The following VWC2L variants were observed in gnomAD, a reference collection of about 807,000 sequenced individuals.
VWC2L encodes von Willebrand factor C domain-containing protein 2-like.
VWC2L carries 10 observed loss-of-function variants against 21.6 expected under a neutral mutation model. The ratio of observed to expected loss-of-function variants is 0.46; its 90% confidence interval spans 0.29 to 0.78. VWC2L has a LOEUF of 0.78. VWC2L is among the 30% of genes least tolerant of loss of function. The pLI, the probability that VWC2L is intolerant of heterozygous loss-of-function variation, is 0.10. For synonymous variants in VWC2L, 96 were observed against 94.3 expected, an observed-to-expected ratio of 1.02 and a Z score of -0.10; for missense variants, 209 against 277.1, an observed-to-expected ratio of 0.75 and a Z score of 1.74.
chr2:214,529,343 C>T (rs1217299947), intron 3 of VWC2L, among the ~76,000 whole-genome samples: 1 of 152,118 alleles, frequency 6.6e-6, no homozygotes. Context: ...TGCCCTGACT[C>T]CAGGGCAAGG....
At chr2:214,443,956 T>C (rs1425048385) in intron 3 of VWC2L, among the ~76,000 whole-genome samples, 1 of 152,118 alleles carries the variant, frequency 6.6e-6, no homozygotes, top group African/African-American at 2.4e-5. Context: ...CAAAAACTAC[T>C]ATAAGCAAGA....
At chr2:214,432,253 C>G (rs1405130189) in intron 2 of VWC2L, among the ~76,000 whole-genome samples, 2 of 152,132 alleles carry the variant, frequency 1.3e-5, no homozygotes, top group Non-Finnish European at 2.9e-5. Flanking sequence ...CTTCTAGGTG[C>G]TGAGAATACA....
At chr2:214,503,197 A>G (rs1688919628) in intron 3 of VWC2L, among the ~76,000 whole-genome samples, 1 of 152,172 alleles carries the variant, frequency 6.6e-6, no homozygotes, top group Admixed American at 6.5e-5. Flanking sequence ...AGGGAAAGAA[A>G]ACATTTAGCA....
Position 214,422,484 on chromosome 2 carries a change from G to A in VWC2L, c.390+7901G>A, listed in dbSNP as rs114767373. 3.1e-3 allele frequency among the ~76,000 whole-genome samples: 467 copies of A among 152,270 alleles called. 2 individuals are homozygous for A. Among genetic ancestry groups the A allele is most frequent in the African/African-American group, 0.011 (444 of 41,568 alleles). On this transcript the variant is annotated intron_variant, in intron 2 of 3. Coordinates refer to ENST00000312504, the MANE Select transcript of VWC2L (RefSeq NM_001080500.4). ...CAGGCACTGTGTTTTATGAAGGACA[G>A]CACAAGAAAAACCTATCGGTGTATT...
At chr2:214,475,646 C>G (rs533553999) in intron 3 of VWC2L, among the ~76,000 whole-genome samples, 5 of 151,646 alleles carry the variant, frequency 3.3e-5, no homozygotes, top group Non-Finnish European at 7.4e-5. Context: ...CAATGGTTGT[C>G]ATGTAAGAAT....
At chr2:214,423,226 A>G (rs542860710) in intron 2 of VWC2L, among the ~76,000 whole-genome samples, 43 of 152,060 alleles carry the variant, frequency 2.8e-4, no homozygotes, top group Non-Finnish European at 4.7e-4. Flanking sequence ...GGCAGGCATT[A>G]TGGTTTCTTT....
intron 3 of VWC2L, among the ~76,000 whole-genome samples, chr2:214,559,173 C>T (rs141946359): frequency 0.014 from 2,158 of 151,946 alleles, 16 homozygotes; most frequent in Non-Finnish European, 0.02. Context: ...ACAAAGTGGG[C>T]GAAGGACATG....
At chr2:214,519,703 T>G (rs1022195153) in intron 3 of VWC2L, among the ~76,000 whole-genome samples, 1 of 152,160 alleles carries the variant, frequency 6.6e-6, no homozygotes, top group Non-Finnish European at 1.5e-5. Flanking sequence ...CCATATTGTT[T>G]CTTTCCACTG....
intron 3 of VWC2L, among the ~76,000 whole-genome samples, chr2:214,490,491 C>G (rs905671396): frequency 1.3e-5 from 2 of 151,950 alleles, no homozygotes; most frequent in African/African-American, 4.8e-5. Flanking sequence ...AGAGAATGAT[C>G]AAGCTCAAGA....
chr2:214,436,738 G>A lies in VWC2L; in HGVS notation c.500G>A (p.Cys167Tyr). ...CVNPVYEPEQ[C>Y]CPVCKNGPNC... Reference sequence around the variant, plus strand: ...AACCCAGTCTATGAACCAGAACAATGTTGTCCTGTCTGCAAAAATGGTAAG... The same window carrying A: ...AACCCAGTCTATGAACCAGAACAATATTGTCCTGTCTGCAAAAATGGTAAG... Residue 167 changes from cysteine (C) to tyrosine (Y), a missense_variant, in exon 3 of 4, where the codon TGT becomes TAT. Physicochemically the swap from Cys to Tyr is radical, Grantham distance 194. Coordinates refer to ENST00000312504, the MANE Select transcript of VWC2L (RefSeq NM_001080500.4). 2 of 1,613,248 alleles carry A rather than the reference G, an allele frequency of 1.2e-6. No homozygotes were observed. The highest frequency in any genetic ancestry group is 1.7e-6 in the Non-Finnish European group (2 of 1,179,386).
chr2:214,534,365 G>C (rs982383121), intron 3 of VWC2L, among the ~76,000 whole-genome samples: 4 of 152,128 alleles, frequency 2.6e-5, no homozygotes, highest in African/African-American at 9.7e-5. Flanking sequence ...TTGGTTTCCA[G>C]TTCATTGTAT....
intron 3 of VWC2L, among the ~76,000 whole-genome samples, chr2:214,463,040 C>T (rs1051123990): frequency 1.2e-4 from 19 of 152,076 alleles, no homozygotes; most frequent in African/African-American, 4.3e-4. Flanking sequence ...CGGCCAAGAA[C>T]ATATCTTATC....
intron 3 of VWC2L, among the ~76,000 whole-genome samples, chr2:214,469,923 C>T (rs1478581616): frequency 3.3e-5 from 5 of 152,136 alleles, no homozygotes; most frequent in Non-Finnish European, 7.4e-5. Context: ...AAATTATTTT[C>T]CCTATGTATC....
At chr2:214,418,673 G>A (rs2126170619) in intron 2 of VWC2L, among the ~76,000 whole-genome samples, 1 of 152,124 alleles carries the variant, frequency 6.6e-6, no homozygotes, top group Admixed American at 6.5e-5. Context: ...TTGATGAATA[G>A]CATACCAGGT....
At chr2:214,524,211 T>G (rs541699467) in intron 3 of VWC2L, among the ~76,000 whole-genome samples, 1 of 152,350 alleles carries the variant, frequency 6.6e-6, no homozygotes, top group South Asian at 2.1e-4. Flanking sequence ...CCCCTCTTCA[T>G]TTGTACCTGT....
At chr2:214,556,211 G>T (rs977496298) in intron 3 of VWC2L, among the ~76,000 whole-genome samples, 2 of 152,186 alleles carry the variant, frequency 1.3e-5, no homozygotes. Context: ...AATGAACCGA[G>T]ACTGTGCCAC....
chr2:214,418,797 C>CA (rs1190641831), intron 2 of VWC2L, among the ~76,000 whole-genome samples: 10 of 152,154 alleles, frequency 6.6e-5, no homozygotes, highest in East Asian at 3.9e-4. Context: ...AAAGTTGAGA[C>CA]AAAAAATGCT....
At chr2:214,499,475 G>C (rs1024646723) in intron 3 of VWC2L, among the ~76,000 whole-genome samples, 1 of 146,860 alleles carries the variant, frequency 6.8e-6, no homozygotes, top group Admixed American at 6.9e-5. Flanking sequence ...ACACAGGAAG[G>C]GGAACATCAC....
At chr2:214,436,913 G>A in intron 3 of VWC2L, among the ~76,000 whole-genome samples, 155 bp downstream of exon 3, 1 of 152,160 alleles carries the variant, frequency 6.6e-6, no homozygotes, top group East Asian at 1.9e-4. Flanking sequence ...ATCTTAAAGT[G>A]AAAATAAACC....
Sources: allele counts gnomAD v4.1 joint callset (sites outside exome capture counted in the v4.1 genomes callset), GRCh38; gene constraint gnomAD v4.1.1; transcripts MANE v1.5; gene names NCBI Gene and HGNC (gene_info 2026-07-23, HGNC 2026-07-21).